Variants in BICC1 observed in about 807,000 individuals in gnomAD.
BICC1 encodes BicC family RNA binding protein 1.
In BICC1, 43 loss-of-function variants were observed where a neutral mutation model predicts 111.0. That is an observed-to-expected ratio of 0.39 (90% confidence interval 0.30 to 0.50). The LOEUF (loss-of-function observed/expected upper bound fraction) is 0.50, where lower values mean the gene tolerates loss of function less well. BICC1 is among the 20% of genes least tolerant of loss of function. The probability of loss-of-function intolerance (pLI) is 0.88; values close to 1 mark genes in which losing one functional copy is unlikely to be tolerated. For missense variants in BICC1, 1,091 were observed against 1,203.2 expected (o/e 0.91, Z 1.38); for synonymous variants, 467 against 434.4 (o/e 1.07, Z -0.93).
intron 1 of BICC1, among the ~76,000 whole-genome samples, chr10:58,566,196 G>GTA (rs557479699): frequency 6.6e-6 from 1 of 150,636 alleles, no homozygotes; most frequent in African/African-American, 2.5e-5. Flanking sequence ...GTATATGTGT[G>GTA]TATACACATG....
intron 2 of BICC1, among the ~76,000 whole-genome samples, chr10:58,632,030 G>A (rs981922104): frequency 6.6e-6 from 1 of 152,116 alleles, no homozygotes; most frequent in Non-Finnish European, 1.5e-5. Flanking sequence ...TATGTTGAGA[G>A]GGGAAGGTAT....
intron 3 of BICC1, among the ~76,000 whole-genome samples, chr10:58,755,337 C>T (rs143320005): frequency 8.3e-4 from 126 of 152,336 alleles, no homozygotes; most frequent in African/African-American, 2.9e-3. Flanking sequence ...AAGGCTACAG[C>T]TTCCATGGTC....
chr10:58,643,552 C>T (rs2132222711), intron 2 of BICC1, among the ~76,000 whole-genome samples: 1 of 152,252 alleles, frequency 6.6e-6, no homozygotes, highest in East Asian at 1.9e-4. Flanking sequence ...ACTTACAGTA[C>T]ATTATTTTAT....
intron 1 of BICC1, among the ~76,000 whole-genome samples, chr10:58,521,643 T>C (rs1358870058): frequency 7.4e-6 from 1 of 135,164 alleles, no homozygotes; most frequent in African/African-American, 3.0e-5. Context: ...CAATATAAAG[T>C]TAGATCTCCG....
chr10:58,741,630 A>C (rs571341851), intron 3 of BICC1, among the ~76,000 whole-genome samples: 1 of 152,288 alleles, frequency 6.6e-6, no homozygotes, highest in South Asian at 2.1e-4. Flanking sequence ...TATAAGACTC[A>C]TGTTGAGAGA....
chr10:58,691,231 G>T (rs1236934222), intron 2 of BICC1, among the ~76,000 whole-genome samples: 1 of 152,042 alleles, frequency 6.6e-6, no homozygotes, highest in Non-Finnish European at 1.5e-5. Flanking sequence ...CTTTACAGTA[G>T]ATCTCTAGGA....
intron 19 of BICC1, among the ~76,000 whole-genome samples, chr10:58,819,469 G>A (rs1844191210): frequency 6.6e-6 from 1 of 152,090 alleles, no homozygotes; most frequent in African/African-American, 2.4e-5. Context: ...ATACTCAGAT[G>A]TGATTTAACA....
Position 58,563,241 on chromosome 10 carries a change from C to T in BICC1, c.190+49908C>T, listed in dbSNP as rs552755547. Among the ~76,000 whole-genome samples, 9 of 152,204 alleles carry T rather than the reference C, an allele frequency of 5.9e-5. No individual in the cohort carries two copies. The South Asian group carries it at 1.5e-3, about 25-fold the overall frequency. The stretch of plus-strand genomic sequence containing the variant: ...CTCATCTCTCAATATGGCTCTGTGC[C>T]GCAGCAGCCTGGGTCCTGGGGGTTG... On this transcript the variant is annotated intron_variant, in intron 1 of 20. Transcript: ENST00000373886.
At chr10:58,804,687 CT>C (rs1564624187) in intron 15 of BICC1, among the ~76,000 whole-genome samples, 1 of 151,922 alleles carries the variant, frequency 6.6e-6, no homozygotes, top group African/African-American at 2.4e-5. Context: ...AGATTTATAC[CT>C]GCAGTGAACC....
intron 4 of BICC1, among the ~76,000 whole-genome samples, chr10:58,786,568 T>C (rs1208066404): frequency 2.6e-5 from 4 of 152,176 alleles, no homozygotes; most frequent in African/African-American, 7.2e-5. Context: ...TGTTTTCATC[T>C]GTTTTTAGTT....
chr10:58,533,046 G>A (rs1842722661), intron 1 of BICC1, among the ~76,000 whole-genome samples: 1 of 151,542 alleles, frequency 6.6e-6, no homozygotes, highest in Non-Finnish European at 1.5e-5. Flanking sequence ...AATAACATCT[G>A]CCTCCGTCCC....
At chr10:58,659,904 A>G (rs1423666156) in intron 2 of BICC1, among the ~76,000 whole-genome samples, 3 of 152,250 alleles carry the variant, frequency 2.0e-5, no homozygotes, top group East Asian at 1.9e-4. Flanking sequence ...TAATACTGTT[A>G]TTATTATTAT....
At chr10:58,624,369 A>G (rs879891498) in intron 2 of BICC1, among the ~76,000 whole-genome samples, 5 of 152,186 alleles carry the variant, frequency 3.3e-5, no homozygotes, top group Non-Finnish European at 5.9e-5. Flanking sequence ...TCAAACTATA[A>G]TACCTTTTAA....
intron 20 of BICC1, among the ~76,000 whole-genome samples, chr10:58,824,731 C>A (rs989821842): frequency 6.6e-6 from 1 of 152,082 alleles, no homozygotes; most frequent in Non-Finnish European, 1.5e-5. Context: ...TGCTCTAGCC[C>A]CTCAAAGAGA....
chr10:58,579,760 G>A (rs1009222667), intron 1 of BICC1, among the ~76,000 whole-genome samples: 2 of 152,146 alleles, frequency 1.3e-5, no homozygotes, highest in Non-Finnish European at 2.9e-5. Context: ...TCTCAGAGAG[G>A]ATGCAGGCTA....
chr10:58,763,253 AATT>A (rs2132690573), intron 3 of BICC1, among the ~76,000 whole-genome samples: 1 of 152,280 alleles, frequency 6.6e-6, no homozygotes, highest in Non-Finnish European at 1.5e-5. Context: ...TATTGGGAAA[AATT>A]ATTAATATAT....
chr10:58,820,375 C>A lies in BICC1; in HGVS notation c.2701C>A (p.Leu901Ile). ...TTGACCTTTCTACCCACAGATCGAT[C>A]TTCAGACATTCCTCACTCTCACAGA... ...TDVFQQQEID[L>I]QTFLTLTDQD... The change falls in exon 20 of 21, where the codon CTT (leucine) becomes ATT (isoleucine). Residue 901 changes from leucine (L) to isoleucine (I), a missense_variant. Coordinates refer to ENST00000373886, the MANE Select transcript of BICC1 (RefSeq NM_001080512.3). 6.2e-7 allele frequency: 1 copy of A among 1,610,038 alleles called. No individual in the cohort carries two copies. Among genetic ancestry groups the A allele is most frequent in the South Asian group, 1.1e-5 (1 of 90,962 alleles).
chr10:58,558,349 CTT>C (rs937833696), intron 1 of BICC1, among the ~76,000 whole-genome samples: 1 of 152,120 alleles, frequency 6.6e-6, no homozygotes, highest in Non-Finnish European at 1.5e-5. Context: ...GTCTTGGTCT[CTT>C]TGGTTTCCAG....
chr10:58,682,716 T>C (rs903767469), intron 2 of BICC1, among the ~76,000 whole-genome samples: 1 of 152,244 alleles, frequency 6.6e-6, no homozygotes, highest in Non-Finnish European at 1.5e-5. Context: ...TCGCCCACTT[T>C]TTGATGGGGT....
Sources: allele counts gnomAD v4.1 joint callset (sites outside exome capture counted in the v4.1 genomes callset), GRCh38; gene constraint gnomAD v4.1.1; transcripts MANE v1.5; gene names NCBI Gene and HGNC (gene_info 2026-07-23, HGNC 2026-07-21).